Variants in SLC10A2 observed in about 807,000 individuals in gnomAD.
SLC10A2 encodes the protein ileal sodium/bile acid cotransporter.
A neutral mutation model predicts 27.1 loss-of-function variants in SLC10A2; 34 were observed. The ratio of observed to expected loss-of-function variants is 1.26; its 90% CI spans 0.96 to 1.67. The LOEUF (loss-of-function observed/expected upper bound fraction) is 1.67. Among genes scored for constraint, SLC10A2 ranks in the 40% most tolerant of loss-of-function variants. The pLI, the probability that SLC10A2 is intolerant of heterozygous loss-of-function variation, is 0.00. For missense variants in SLC10A2, 530 were observed against 444.4 expected (o/e 1.19, Z -1.73); for synonymous variants, 205 against 174.0 (o/e 1.18, Z -1.40).
chr13:103,056,534 T>C (rs1433289844), intron 2 of SLC10A2, among the ~76,000 whole-genome samples: 1 of 152,164 alleles, frequency 6.6e-6, no homozygotes, highest in Non-Finnish European at 1.5e-5. Flanking sequence ...GAATATTTTA[T>C]GGCTTAAATT....
At chr13:103,049,480 T>C (rs762322559) in intron 4 of SLC10A2, 34 bp from the exon 5 acceptor site, 2 of 1,611,538 alleles carry the variant, frequency 1.2e-6, no homozygotes, top group Non-Finnish European at 1.7e-6. Context: ...CATGTTTTAG[T>C]AGTTTTGTTA....
intron 1 of SLC10A2, among the ~76,000 whole-genome samples, chr13:103,065,250 G>T (rs1876238183): frequency 6.6e-6 from 1 of 152,120 alleles, no homozygotes; most frequent in South Asian, 2.1e-4. Flanking sequence ...TGTAGGAAGT[G>T]GAGAAAACGT....
At chr13:103,062,385 G>A (rs1486192961) in intron 1 of SLC10A2, among the ~76,000 whole-genome samples, 1 of 152,210 alleles carries the variant, frequency 6.6e-6, no homozygotes, top group Non-Finnish European at 1.5e-5. Context: ...TCTGCCAAAT[G>A]CAGAAAATAA....
chr13:103,061,178 G>GT (rs200163491), intron 1 of SLC10A2, among the ~76,000 whole-genome samples: 9,950 of 152,178 alleles, frequency 0.065, 387 homozygotes, highest in African/African-American at 0.1. Context: ...CTGGTTATAG[G>GT]TAAATTTAGG....
In SLC10A2 at chr13:103,051,446, G is replaced by A. The variant is rs766363794; in HGVS notation, c.586-14C>T. On this transcript the variant is annotated splice_polypyrimidine_tract_variant and intron_variant, in intron 3 of 5. Coordinates refer to ENST00000245312, the MANE Select transcript of SLC10A2 (RefSeq NM_000452.3). ...GATGGACCCAATCTGAAAAAAAAAG[G>A]AATAAGTGAACCCAGCAATCATGAG... The A allele has an allele frequency of 6.2e-7, 1 of 1,613,482 alleles. No individual in the cohort carries two copies. Among genetic ancestry groups the A allele is most frequent in the Non-Finnish European group, 8.5e-7 (1 of 1,179,692 alleles).
In SLC10A2 at chr13:103,065,932, G is replaced by T. The variant is rs370438426; in HGVS notation, c.318C>A (p.Cys106Ter). Residue 106 changes from cysteine (C) to a stop codon, truncating the protein, a stop_gained, in exon 1 of 6, where the codon TGC becomes TGA. Transcript: ENST00000245312. LOFTEE classifies it high-confidence loss of function. ...AGATATTGGAGGCAGTTCCTCCAGG[G>T]CAGCATCCTATAATGAGCACCACTA... ...QAVVVLIIGC[C>*]PGGTASNILA... is the part of the protein sequence containing the mutation. 43 of 1,614,174 alleles carry T rather than the reference G, an allele frequency of 2.7e-5. No individual in the cohort carries two copies. In the Middle Eastern group the frequency reaches 9.9e-4, roughly 37 times the overall value.
At chr13:103,052,499 G>A in intron 3 of SLC10A2, 121 bp downstream of exon 3, 1 of 764,376 alleles carries the variant, frequency 1.3e-6, no homozygotes, top group Non-Finnish European at 2.4e-6. Context: ...CATGGCTAAT[G>A]ACTTCAGGCC....
chr13:103,057,971 G>A (rs1163875356), intron 2 of SLC10A2, among the ~76,000 whole-genome samples: 2 of 152,110 alleles, frequency 1.3e-5, no homozygotes, highest in African/African-American at 4.8e-5. Flanking sequence ...ATAGGTGCAA[G>A]CTCCCATGTC....
chr13:103,048,415 A>G (rs1875675730), intron 5 of SLC10A2, among the ~76,000 whole-genome samples: 1 of 144,028 alleles, frequency 6.9e-6, no homozygotes, highest in African/African-American at 2.6e-5. Flanking sequence ...AAAAAAGAAA[A>G]GAAAAGAAAA....
chr13:103,052,521 G>A (rs1875814983), intron 3 of SLC10A2, 99 bp downstream of exon 3: 7 of 876,106 alleles, frequency 8.0e-6, no homozygotes, highest in Admixed American at 1.7e-5. Context: ...CCACTCAACA[G>A]TAATCATATA....
chr13:103,044,840 G>A lies in SLC10A2; in HGVS notation c.*1293C>T, dbSNP rs1024345548. On this transcript the variant is annotated 3_prime_UTR_variant, in exon 6 of 6. Coordinates refer to ENST00000245312, the MANE Select transcript of SLC10A2 (RefSeq NM_000452.3). ...GAATGAGGGAAAGGAAATTAAATTC[G>A]ATCTTATAATTGAAAGTCCAACACT... 2.0e-5 allele frequency: 3 copies of A among 152,124 alleles called. No homozygotes were observed. The highest frequency in any genetic ancestry group is 7.2e-5 in the African/African-American group (3 of 41,406). 9.4% of individuals were successfully genotyped at this position (152,124 alleles called of 1,614,324 possible).
At chr13:103,061,449 C>G (rs1876117226) in intron 1 of SLC10A2, among the ~76,000 whole-genome samples, 1 of 151,244 alleles carries the variant, frequency 6.6e-6, no homozygotes, top group African/African-American at 2.4e-5. Context: ...TGGTGGGAAT[C>G]TGGTGGGGAA....
At chr13:103,051,165 A>G in intron 4 of SLC10A2, 92 bp downstream of exon 4, 1 of 1,260,270 alleles carries the variant, frequency 7.9e-7, no homozygotes, top group Non-Finnish European at 1.2e-6. Flanking sequence ...TAAGCCACTC[A>G]GTTTGTGGTT....
At chr13:103,054,287 C>T (rs987818995) in intron 2 of SLC10A2, among the ~76,000 whole-genome samples, 2 of 152,156 alleles carry the variant, frequency 1.3e-5, no homozygotes, top group Non-Finnish European at 2.9e-5. Flanking sequence ...CTGAGGCCTC[C>T]CCTGCCATGC....
rs371955303 is a variant in SLC10A2 at position 103,063,880 on chromosome 13, G to A, written c.377+1993C>T. Among the ~76,000 whole-genome samples the A allele has an allele frequency of 3.3e-5, 5 of 152,300 alleles. No homozygotes were observed. In the South Asian group the frequency reaches 1.0e-3, roughly 32 times the overall value. The stretch of plus-strand genomic sequence containing the variant: ...AGAGAATATGTGATAGAGAGAATAA[G>A]TGATAGAGGATAAATGATAGAGAGA... On this transcript the variant is annotated intron_variant, in intron 1 of 5. Coordinates refer to ENST00000245312, the MANE Select transcript of SLC10A2 (RefSeq NM_000452.3).
intron 2 of SLC10A2, among the ~76,000 whole-genome samples, chr13:103,054,225 C>T (rs1371103038): frequency 2.0e-5 from 3 of 152,254 alleles, no homozygotes; most frequent in East Asian, 1.9e-4. Flanking sequence ...CTGCTCCAGC[C>T]ATGTAGAAGC....
chr13:103,052,766 A>T, intron 2 of SLC10A2, 58 bp from the exon 3 acceptor site: 6 of 1,048,796 alleles, frequency 5.7e-6, no homozygotes, highest in Non-Finnish European at 7.5e-6. Context: ...GAAAGAGAAA[A>T]ACAGAAGAAC....
At chr13:103,060,428 A>G (rs1876080496) in intron 1 of SLC10A2, among the ~76,000 whole-genome samples, 2 of 143,406 alleles carry the variant, frequency 1.4e-5, no homozygotes, top group Admixed American at 1.4e-4. Flanking sequence ...TCTGTCACCC[A>G]GGCCAGAGTA....
chr13:103,056,821 T>C (rs910390827), intron 2 of SLC10A2, among the ~76,000 whole-genome samples: 7 of 152,134 alleles, frequency 4.6e-5, no homozygotes, highest in Non-Finnish European at 8.8e-5. Flanking sequence ...CCATACTGAA[T>C]AGGGCATGTC....
Sources: gnomAD v4.1 joint callset for allele counts (sites outside exome capture counted in the v4.1 genomes callset) on GRCh38, gnomAD v4.1.1 for gene constraint, MANE v1.5 for transcripts, NCBI Gene and HGNC (gene_info 2026-07-23, HGNC 2026-07-21) for gene names.